Variants in SPON1 observed in about 807,000 individuals in gnomAD.
The protein encoded by SPON1 is spondin-1.
SPON1 carries 52 observed loss-of-function variants against 111.7 expected under a neutral mutation model. That is an observed-to-expected ratio of 0.47 (90% confidence interval 0.37 to 0.59). The LOEUF (loss-of-function observed/expected upper bound fraction) is 0.59. Among genes scored for constraint, SPON1 ranks in the 20% least tolerant of loss-of-function variants. The pLI, the probability that SPON1 is intolerant of heterozygous loss-of-function variation, is 0.00. For missense variants in SPON1, 957 were observed against 1,068.5 expected (o/e 0.90, Z 1.46); for synonymous variants, 410 against 395.8 (o/e 1.04, Z -0.43).
chr11:14,260,370 G>C (rs1186427232), intron 13 of SPON1, among the ~76,000 whole-genome samples: 7 of 152,120 alleles, frequency 4.6e-5, no homozygotes, highest in African/African-American at 1.4e-4. Flanking sequence ...ACCATCGGGG[G>C]GGGTCAGCAG....
chr11:14,120,457 C>G (rs1472616197), intron 5 of SPON1, among the ~76,000 whole-genome samples: 1 of 152,062 alleles, frequency 6.6e-6, no homozygotes, highest in Non-Finnish European at 1.5e-5. Context: ...AGTCCAGAGG[C>G]TGGAGCTGGA....
At chr11:14,048,052 C>T (rs1554918003) in intron 3 of SPON1, among the ~76,000 whole-genome samples, 2 of 152,130 alleles carry the variant, frequency 1.3e-5, no homozygotes, top group Non-Finnish European at 2.9e-5. Context: ...CCAGCCTGGC[C>T]AACATGGTGA....
intron 2 of SPON1, among the ~76,000 whole-genome samples, chr11:14,034,448 G>A (rs1210115611): frequency 1.3e-5 from 2 of 152,164 alleles, no homozygotes; most frequent in Non-Finnish European, 2.9e-5. Context: ...GATAGTGCAA[G>A]GCTTTTCAGA....
intron 6 of SPON1, among the ~76,000 whole-genome samples, chr11:14,207,765 T>G (rs1325812888): frequency 6.6e-6 from 1 of 152,178 alleles, no homozygotes; most frequent in Non-Finnish European, 1.5e-5. Flanking sequence ...GGAGTGTAAA[T>G]TTGTTCAACC....
At chr11:14,108,083 A>G (rs369641276) in intron 5 of SPON1, among the ~76,000 whole-genome samples, 3 of 152,314 alleles carry the variant, frequency 2.0e-5, no homozygotes, top group Admixed American at 6.5e-5. Flanking sequence ...ACCTTGCAGA[A>G]GACACTGACT....
intron 3 of SPON1, among the ~76,000 whole-genome samples, chr11:14,050,857 T>C (rs2133818176): frequency 6.6e-6 from 1 of 152,286 alleles, no homozygotes; most frequent in South Asian, 2.1e-4. Flanking sequence ...CCCATAGCAT[T>C]AACTCTCCTC....
intron 2 of SPON1, among the ~76,000 whole-genome samples, chr11:14,035,903 C>A (rs1248976837): frequency 6.6e-6 from 1 of 152,154 alleles, no homozygotes; most frequent in East Asian, 1.9e-4. Flanking sequence ...CAGGCATGAG[C>A]CACCATGCCC....
chr11:14,258,038 C>T, intron 11 of SPON1, 140 bp downstream of exon 11: 2 of 670,854 alleles, frequency 3.0e-6, no homozygotes, highest in East Asian at 3.0e-5. Flanking sequence ...GGGCAAACTC[C>T]TATCTGCAAC....
At chr11:14,157,690 T>C (rs924730253) in intron 6 of SPON1, among the ~76,000 whole-genome samples, 2 of 152,162 alleles carry the variant, frequency 1.3e-5, no homozygotes, top group Non-Finnish European at 2.9e-5. Flanking sequence ...TTATCATCAT[T>C]TTCCATATGC....
chr11:14,162,902 C>T (rs1847984071), intron 6 of SPON1, among the ~76,000 whole-genome samples: 1 of 152,186 alleles, frequency 6.6e-6, no homozygotes, highest in Admixed American at 6.5e-5. Context: ...GAGGGAATGG[C>T]AAGCATCGGC....
Position 14,196,986 on chromosome 11 carries a change from G to T in SPON1, c.826-46346G>T, listed in dbSNP as rs1404873945. Among the ~76,000 whole-genome samples, 3 of 152,162 alleles carry T rather than the reference G, an allele frequency of 2.0e-5. No homozygotes were observed. The East Asian group carries it at 5.8e-4, about 29-fold the overall frequency. ...AATCTCTTGAACCCGGGAGGCTGGG[G>T]TTGCAGTGAACAGAGATGGCACCAC... On this transcript the variant is annotated intron_variant, in intron 6 of 15. Transcript: ENST00000576479.
intron 2 of SPON1, among the ~76,000 whole-genome samples, chr11:14,035,931 T>A (rs561471269): frequency 6.6e-6 from 1 of 152,276 alleles, no homozygotes; most frequent in South Asian, 2.1e-4. Flanking sequence ...TACACTTCAT[T>A]CTTACAGTGC....
intron 5 of SPON1, among the ~76,000 whole-genome samples, chr11:14,095,772 C>T (rs1194493724): frequency 6.6e-6 from 1 of 152,234 alleles, no homozygotes; most frequent in Non-Finnish European, 1.5e-5. Flanking sequence ...TTACCTGATT[C>T]AAATGTGTAT....
At chr11:13,963,353 C>A (rs1554907726) in intron 1 of SPON1, among the ~76,000 whole-genome samples, 1 of 152,194 alleles carries the variant, frequency 6.6e-6, no homozygotes, top group Non-Finnish European at 1.5e-5. Context: ...GCGGGGGCCG[C>A]AGCCAGGAGA....
At chr11:14,201,126 G>A (rs549448287) in intron 6 of SPON1, among the ~76,000 whole-genome samples, 2 of 151,992 alleles carry the variant, frequency 1.3e-5, no homozygotes, top group South Asian at 2.1e-4. Context: ...AGATCACAAG[G>A]TCAGGAGGTC....
At chr11:14,229,639 C>G (rs908497113) in intron 6 of SPON1, among the ~76,000 whole-genome samples, 16 of 152,270 alleles carry the variant, frequency 1.1e-4, no homozygotes, top group Non-Finnish European at 1.8e-4. Flanking sequence ...TCTGTCTGGT[C>G]TACTGCCCTG....
At chr11:14,049,946 A>C (rs931588169) in intron 3 of SPON1, among the ~76,000 whole-genome samples, 1 of 152,194 alleles carries the variant, frequency 6.6e-6, no homozygotes, top group African/African-American at 2.4e-5. Flanking sequence ...ATCTGGCCTC[A>C]GGTCTATCAG....
intron 10 of SPON1, among the ~76,000 whole-genome samples, chr11:14,257,018 G>A (rs1849116799): frequency 1.3e-5 from 2 of 152,110 alleles, no homozygotes; most frequent in Admixed American, 1.3e-4. Context: ...GGCAGGTGTG[G>A]ATACATTCAC....
At chr11:14,051,537 A>C (rs915861038) in intron 3 of SPON1, among the ~76,000 whole-genome samples, 3 of 143,254 alleles carry the variant, frequency 2.1e-5, no homozygotes, top group Non-Finnish European at 3.0e-5. Context: ...GCCTGTCTCA[A>C]AAAAAAAAAA....
Sources: allele counts gnomAD v4.1 joint callset (sites outside exome capture counted in the v4.1 genomes callset), GRCh38; gene constraint gnomAD v4.1.1; transcripts MANE v1.5; gene names NCBI Gene and HGNC (gene_info 2026-07-23, HGNC 2026-07-21).